Variants in GOLM1 observed in about 807,000 individuals in gnomAD.
GOLM1 encodes the protein epididymis luminal protein 46.
A neutral mutation model predicts 50.5 loss-of-function variants in GOLM1; 31 were observed. That is an observed-to-expected ratio of 0.61 (90% confidence interval 0.46 to 0.83). GOLM1 has a LOEUF of 0.83. GOLM1 is among the 40% of genes least tolerant of loss of function. The pLI is 0.00. For missense variants in GOLM1, 491 were observed against 501.3 expected (o/e 0.98, Z 0.20); for synonymous variants, 178 against 192.8 (o/e 0.92, Z 0.64).
intron 3 of GOLM1, among the ~76,000 whole-genome samples, chr9:86,070,281 T>C (rs921119453): frequency 2.6e-5 from 4 of 152,170 alleles, no homozygotes; most frequent in African/African-American, 4.8e-5. Context: ...CTGTTAAACA[T>C]TGATTATTTT....
intron 8 of GOLM1, among the ~76,000 whole-genome samples, chr9:86,034,170 G>A (rs1833067403): frequency 1.3e-5 from 2 of 152,012 alleles, no homozygotes; most frequent in African/African-American, 4.8e-5. Flanking sequence ...TCACCATATT[G>A]GCCAGGATGG....
Position 86,092,057 on chromosome 9 carries a change from C to G in GOLM1, c.-22+7354G>C, listed in dbSNP as rs559008835. Reference sequence around the variant, plus strand: ...CATGTCTGACACTGGCTCCACCACTCAGGAACTCCAAGACTGGAACCCCAC... The same window carrying G: ...CATGTCTGACACTGGCTCCACCACTGAGGAACTCCAAGACTGGAACCCCAC... On this transcript the variant is annotated intron_variant, in intron 1 of 9. Transcript: ENST00000388712. Among the ~76,000 whole-genome samples, 12 of 152,254 alleles carry G rather than the reference C, an allele frequency of 7.9e-5. No individual in the cohort carries two copies. In the South Asian group the frequency reaches 2.5e-3, roughly 32 times the overall value.
chr9:86,049,920 A>G lies in GOLM1; in HGVS notation c.364+2617T>C, dbSNP rs969047642. On this transcript the variant is annotated intron_variant, in intron 4 of 9. Coordinates refer to ENST00000388712, the MANE Select transcript of GOLM1 (RefSeq NM_016548.4). ...AACACTATGTTGAATAGGAGTGGTG[A>G]GACAGGGCATCCCTGTCTTGTGCCT... Among the ~76,000 whole-genome samples the G allele has an allele frequency of 3.3e-5, 5 of 152,252 alleles. No homozygotes were observed. In the East Asian group the frequency reaches 9.6e-4, roughly 29 times the overall value.
chr9:86,057,659 T>A (rs1834032232), intron 3 of GOLM1, among the ~76,000 whole-genome samples: 1 of 152,108 alleles, frequency 6.6e-6, no homozygotes, highest in African/African-American at 2.4e-5. Context: ...TGTTCAGGGC[T>A]CCCGGCTGGA....
chr9:86,032,090 G>A (rs966543936), intron 9 of GOLM1, among the ~76,000 whole-genome samples: 1 of 152,042 alleles, frequency 6.6e-6, no homozygotes, highest in African/African-American at 2.4e-5. Context: ...GAGACCAGGC[G>A]AACTCACTCA....
chr9:86,076,634 G>C (rs752436543), intron 3 of GOLM1, among the ~76,000 whole-genome samples: 15 of 151,860 alleles, frequency 9.9e-5, no homozygotes, highest in Non-Finnish European at 1.6e-4. Context: ...GGGAGGCTGA[G>C]GCAGGTGGAT....
intron 3 of GOLM1, among the ~76,000 whole-genome samples, chr9:86,060,603 C>T (rs956288440): frequency 1.2e-4 from 18 of 151,868 alleles, no homozygotes; most frequent in African/African-American, 2.2e-4. Context: ...ACACACAGGC[C>T]GGGCGCAGCA....
chr9:86,048,248 C>T (rs1048230450), intron 4 of GOLM1, among the ~76,000 whole-genome samples: 1 of 152,090 alleles, frequency 6.6e-6, no homozygotes, highest in Admixed American at 6.5e-5. Flanking sequence ...GTATATGTGC[C>T]ACATTTTCTT....
chr9:86,093,568 C>CA (rs35939357), intron 1 of GOLM1, among the ~76,000 whole-genome samples: 7,632 of 124,566 alleles, frequency 0.061, 236 homozygotes, highest in African/African-American at 0.081. Context: ...AGATTTCTGT[C>CA]AAAAAAAAAA....
intron 3 of GOLM1, among the ~76,000 whole-genome samples, chr9:86,053,102 TCCACACCACACACA>T (rs1425534871): frequency 0.01 from 211 of 21,078 alleles, no homozygotes; most frequent in Non-Finnish European, 0.015. Context: ...ATGCCACAAC[TCCACACCACACACA>T]CCACACCACA....
At chr9:86,070,583 C>CA (rs199560702) in intron 3 of GOLM1, among the ~76,000 whole-genome samples, 1,878 of 149,842 alleles carry the variant, frequency 0.013, 25 homozygotes, top group African/African-American at 0.035. Context: ...AAAAAAAAAA[C>CA]AAAAAAAACC....
rs147188187 is a variant in GOLM1 at position 86,039,776 on chromosome 9, T to C, written c.597+963A>G. On this transcript the variant is annotated intron_variant, in intron 6 of 9. Coordinates refer to ENST00000388712, the MANE Select transcript of GOLM1 (RefSeq NM_016548.4). ...TGAGGTCAGCCGTTCAAGACCAGCCTGGCCAACATGATGAAACCCCGTCTC... is the reference window on the plus strand; with the variant it reads ...TGAGGTCAGCCGTTCAAGACCAGCCCGGCCAACATGATGAAACCCCGTCTC... Among the ~76,000 whole-genome samples the C allele has an allele frequency of 5.1e-3, 773 of 152,166 alleles. 4 individuals carry two copies. The highest frequency in any genetic ancestry group is 0.018 in the African/African-American group (738 of 41,496).
In GOLM1 at chr9:86,030,128, G is replaced by A. The variant is rs186338800; in HGVS notation, c.1130-2235C>T. Among the ~76,000 whole-genome samples, 581 of 146,100 alleles carry A rather than the reference G, an allele frequency of 4.0e-3. 5 individuals carry two copies. The highest frequency in any genetic ancestry group is 0.014 in the African/African-American group (549 of 39,732). On this transcript the variant is annotated intron_variant, in intron 9 of 9. Coordinates refer to ENST00000388712, the MANE Select transcript of GOLM1 (RefSeq NM_016548.4). The stretch of plus-strand genomic sequence containing the variant: ...AGCTACTCAGGAGGCTGAGGCAGGA[G>A]AATCACTTAAACCCAGGAGGCGGAG...
chr9:86,033,265 G>A lies in GOLM1; in HGVS notation c.1129+17C>T, dbSNP rs1833037001. The A allele has an allele frequency of 1.1e-5, 15 of 1,371,312 alleles. No homozygotes were observed. Among genetic ancestry groups the A allele is most frequent in the Non-Finnish European group, 1.6e-5 (15 of 958,234 alleles). The allele number at this position is 1,371,312 out of a possible 1,614,324, so 84.9% of individuals were successfully genotyped here. Reference sequence around the variant, plus strand: ...AATGAAAGGTGACCTCGTCACCGATGTAGGCCCCATTCTTACCATCTATGT... The same window carrying A: ...AATGAAAGGTGACCTCGTCACCGATATAGGCCCCATTCTTACCATCTATGT... On this transcript the variant is annotated intron_variant, in intron 9 of 9. Transcript: ENST00000388712.
intron 1 of GOLM1, among the ~76,000 whole-genome samples, chr9:86,098,444 G>A (rs1378311145): frequency 1.3e-5 from 2 of 152,126 alleles, no homozygotes; most frequent in Non-Finnish European, 2.9e-5. Context: ...ACTTCATCAG[G>A]TTATTGTGTA....
intron 3 of GOLM1, among the ~76,000 whole-genome samples, chr9:86,071,882 A>C (rs1406314492): frequency 6.6e-6 from 1 of 152,210 alleles, no homozygotes; most frequent in Admixed American, 6.5e-5. Flanking sequence ...GAGTATACTC[A>C]CTGTACCTTC....
At position 86,033,398 on chromosome 9, in the gene GOLM1, G is replaced by C. The variant is rs762866202; in HGVS notation, c.1016-3C>G. The C allele has an allele frequency of 3.2e-6, 5 of 1,548,012 alleles. No homozygotes were observed. The highest frequency in any genetic ancestry group is 2.7e-6 in the Non-Finnish European group (3 of 1,119,782). On this transcript the variant is annotated splice_polypyrimidine_tract_variant and splice_region_variant and intron_variant, in intron 8 of 9. Transcript: ENST00000388712. ...TCTCAGTTTCTGCTGGTTTCTCCCTGTAAAATTAGCACATAAAACATAAGC... is the reference window on the plus strand; with the variant it reads ...TCTCAGTTTCTGCTGGTTTCTCCCTCTAAAATTAGCACATAAAACATAAGC...
chr9:86,050,278 T>C (rs1035010436), intron 4 of GOLM1, among the ~76,000 whole-genome samples: 7 of 152,242 alleles, frequency 4.6e-5, no homozygotes. Context: ...CGGCATTTTA[T>C]TGAGGATTTT....
At chr9:86,058,723 G>A (rs1371541045) in intron 3 of GOLM1, among the ~76,000 whole-genome samples, 5 of 150,724 alleles carry the variant, frequency 3.3e-5, no homozygotes, top group Non-Finnish European at 5.9e-5. Context: ...TAGCCAGGGC[G>A]AGGTGGCTCA....
Sources: allele counts gnomAD v4.1 joint callset (sites outside exome capture counted in the v4.1 genomes callset), GRCh38; gene constraint gnomAD v4.1.1; transcripts MANE v1.5; gene names NCBI Gene and HGNC (gene_info 2026-07-23, HGNC 2026-07-21).